The following CLEC20A variants were observed in gnomAD, a reference collection of about 807,000 sequenced individuals.
The protein encoded by CLEC20A is C-type lectin domain containing 20A.
At chr1:178,489,094 G>C (rs956615187) in intron 4 of CLEC20A, among the ~76,000 whole-genome samples, 10 of 152,178 alleles carry the variant, frequency 6.6e-5, no homozygotes, top group Admixed American at 5.9e-4. Context: ...TGGGTGCGGT[G>C]GCTCATGCCT....
chr1:178,487,582 G>C (rs1008670066), intron 5 of CLEC20A, among the ~76,000 whole-genome samples: 1 of 152,298 alleles, frequency 6.6e-6, no homozygotes, highest in African/African-American at 2.4e-5. Flanking sequence ...ACAATTACAG[G>C]GGGGGATGCT....
chr1:178,484,517 CTT>C (rs1649084526), intron 5 of CLEC20A: 1 of 151,234 alleles, frequency 6.6e-6, no homozygotes, highest in African/African-American at 2.4e-5. Context: ...GAGATCCTGT[CTT>C]TAAAAAAAAA....
upstream of CLEC20A, chr1:178,497,199 A>C (rs1193426567): frequency 2.6e-6 from 1 of 382,344 alleles, no homozygotes; most frequent in Non-Finnish European, 4.6e-6. Context: ...GGGGGTTCAG[A>C]AAACAGTGTC....
At chr1:178,489,580 G>C (rs1649227224) in intron 4 of CLEC20A, among the ~76,000 whole-genome samples, 1 of 152,006 alleles carries the variant, frequency 6.6e-6, no homozygotes, top group African/African-American at 2.4e-5. Context: ...CAAGGACAAT[G>C]GCTCCCGTCC....
intron 2 of CLEC20A, 28 bp downstream of exon 2, chr1:178,494,426 C>A: frequency 2.5e-6 from 1 of 400,136 alleles, no homozygotes; most frequent in Non-Finnish European, 4.4e-6. Flanking sequence ...GGGGAAAGAC[C>A]AAGCCTGAAA....
intron 2 of CLEC20A, among the ~76,000 whole-genome samples, chr1:178,493,938 A>G (rs1649327652): frequency 6.6e-6 from 1 of 152,196 alleles, no homozygotes; most frequent in Non-Finnish European, 1.5e-5. Context: ...CCTGACTTAC[A>G]CCCATTTTTT....
At chr1:178,490,007 A>C (rs1235704102) in intron 4 of CLEC20A, 65 bp downstream of exon 4, 1 of 398,304 alleles carries the variant, frequency 2.5e-6, no homozygotes, top group South Asian at 1.3e-4. Context: ...TGCCAAGTAA[A>C]CCCATTTCCC....
At chr1:178,481,385 A>G (rs946846341) in intron 7 of CLEC20A, 2 of 152,222 alleles carry the variant, frequency 1.3e-5, no homozygotes, top group Non-Finnish European at 2.9e-5. Context: ...GCAATGAACT[A>G]ACAGGTAAAT....
At chr1:178,491,381 C>G (rs1056009603) in intron 3 of CLEC20A, among the ~76,000 whole-genome samples, 3 of 152,190 alleles carry the variant, frequency 2.0e-5, no homozygotes, top group Non-Finnish European at 4.4e-5. Flanking sequence ...CGGACATGAG[C>G]CTTTCACCTA....
upstream of CLEC20A, chr1:178,496,951 G>T (rs1271381873): frequency 7.5e-6 from 3 of 400,166 alleles, no homozygotes; most frequent in Non-Finnish European, 8.8e-6. Flanking sequence ...GCTGGGCACT[G>T]GCTGGGCGAT....
upstream of CLEC20A, among the ~76,000 whole-genome samples, chr1:178,498,837 G>A (rs988125766): frequency 6.6e-6 from 1 of 152,144 alleles, no homozygotes; most frequent in Non-Finnish European, 1.5e-5. Flanking sequence ...AAGGGCAAAC[G>A]GCCCCTCTGA....
chr1:178,480,662 G>T (rs145561018), intron 7 of CLEC20A: 3,721 of 152,340 alleles, frequency 0.024, 59 homozygotes, highest in South Asian at 0.071. Flanking sequence ...GGCACCTGTA[G>T]TCCCAGCTAC....
At chr1:178,492,654 G>A in intron 2 of CLEC20A, 88 bp from the exon 3 acceptor site, 1 of 398,418 alleles carries the variant, frequency 2.5e-6, no homozygotes, top group Non-Finnish European at 4.4e-6. Context: ...GGAAAACCTA[G>A]CTCAGGGGCA....
chr1:178,488,234 A>G (rs527437147), intron 5 of CLEC20A, among the ~76,000 whole-genome samples: 2 of 152,236 alleles, frequency 1.3e-5, no homozygotes, highest in South Asian at 4.1e-4. Flanking sequence ...CTGGCCCTGG[A>G]GCTGCAAGTT....
intron 5 of CLEC20A, among the ~76,000 whole-genome samples, chr1:178,485,480 C>A (rs1188431066): frequency 5.3e-5 from 8 of 152,224 alleles, no homozygotes; most frequent in Non-Finnish European, 1.0e-4. Context: ...CCAGGAAGAA[C>A]TTTCTGTACT....
upstream of CLEC20A, among the ~76,000 whole-genome samples, chr1:178,498,210 T>C (rs1295394190): frequency 6.6e-6 from 1 of 151,808 alleles, no homozygotes; most frequent in Non-Finnish European, 1.5e-5. Context: ...CTGAAAAGCA[T>C]GAGGTTGGGA....
intron 2 of CLEC20A, 53 bp from the exon 3 acceptor site, chr1:178,492,619 G>A (rs978557894): frequency 1.0e-5 from 4 of 398,532 alleles, no homozygotes; most frequent in African/African-American, 8.2e-5. Context: ...ATCCTCTGCA[G>A]GCAGGAGCTG....
chr1:178,495,257 A>C (rs1423038702), intron 1 of CLEC20A, among the ~76,000 whole-genome samples: 1 of 152,218 alleles, frequency 6.6e-6, no homozygotes, highest in East Asian at 1.9e-4. Flanking sequence ...CTGTTTTACA[A>C]ATGAAGGAAC....
chr1:178,482,389 A>T, exon 7 of CLEC20A: 1 of 398,636 alleles, frequency 2.5e-6, no homozygotes, highest in East Asian at 3.6e-5. Context: ...AAGATTCCAA[A>T]AGGGTGCCCT....
Sources: gnomAD v4.1 joint callset for allele counts (sites outside exome capture counted in the v4.1 genomes callset) on GRCh38, gnomAD v4.1.1 for gene constraint, MANE v1.5 for transcripts, NCBI Gene and HGNC (gene_info 2026-07-23, HGNC 2026-07-21) for gene names.